Variants in PHKB observed in about 807,000 individuals in gnomAD.
PHKB encodes phosphorylase b kinase regulatory subunit beta.
PHKB carries 122 observed loss-of-function variants against 152.1 expected under a neutral mutation model. The ratio of observed to expected loss-of-function variants is 0.80; its 90% CI spans 0.69 to 0.93. The LOEUF (loss-of-function observed/expected upper bound fraction) is 0.93, where lower values mean the gene tolerates loss of function less well. Among genes scored for constraint, PHKB ranks in the 40% least tolerant of loss-of-function variants. The pLI is 0.00. For synonymous variants in PHKB, 436 were observed against 464.9 expected, an observed-to-expected ratio of 0.94 and a Z score of 0.80; for missense variants, 1,304 against 1,328.4, an observed-to-expected ratio of 0.98 and a Z score of 0.29.
intron 6 of PHKB, among the ~76,000 whole-genome samples, chr16:47,530,605 CT>C (rs1179347557): frequency 1.3e-5 from 2 of 152,108 alleles, no homozygotes; most frequent in East Asian, 3.8e-4. Flanking sequence ...CTTAGATAAA[CT>C]ACTAAAAGTC....
chr16:47,477,787 G>GA (rs989980558), intron 1 of PHKB, among the ~76,000 whole-genome samples: 1 of 152,078 alleles, frequency 6.6e-6, no homozygotes, highest in Non-Finnish European at 1.5e-5. Flanking sequence ...TCCCTGAAGA[G>GA]AAAATGGAAG....
intron 6 of PHKB, among the ~76,000 whole-genome samples, 158 bp downstream of exon 6, chr16:47,515,759 T>A (rs1970585439): frequency 6.6e-6 from 1 of 152,176 alleles, no homozygotes; most frequent in Admixed American, 6.5e-5. Flanking sequence ...GAAAAAGTCT[T>A]TATATCTTCA....
intron 5 of PHKB, among the ~76,000 whole-genome samples, chr16:47,512,857 T>A (rs1970533489): frequency 6.6e-6 from 1 of 152,218 alleles, no homozygotes; most frequent in Admixed American, 6.5e-5. Context: ...ATCTCCTTTT[T>A]ATAGTCCCTC....
Position 47,515,530 on chromosome 16 carries a change from G to A in PHKB, c.523G>A (p.Val175Met), listed in dbSNP as rs544216921. 5 of 1,411,806 alleles carry A rather than the reference G, an allele frequency of 3.5e-6. No homozygotes were observed. The highest frequency in any genetic ancestry group is 3.4e-5 in the South Asian group (3 of 87,030). 87.5% of individuals were successfully genotyped at this position (1,411,806 alleles called of 1,614,324 possible). A position where few individuals can be genotyped will look rare whatever the true frequency, so the allele number is the denominator to read the frequency against. ...EEYGHLQINAVSLYLLYLVEM... is the reference protein window; with the variant it reads ...EEYGHLQINAMSLYLLYLVEM... ...TTTCTGTTTGTTGCAGATAAATGCA[G>A]TGTCACTTTATCTCCTTTACCTTGT... Residue 175 changes from valine (V) to methionine (M), a missense_variant, in exon 6 of 31, where the codon GTG (valine) becomes ATG (methionine). Val to Met is a conservative substitution (Grantham distance 21). Transcript: ENST00000323584.
At chr16:47,638,846 C>CGT (rs142809009) in intron 14 of PHKB, among the ~76,000 whole-genome samples, 9 of 151,770 alleles carry the variant, frequency 5.9e-5, no homozygotes, top group African/African-American at 1.2e-4. Flanking sequence ...TGTGTATATA[C>CGT]GTGTGTGTGT....
At chr16:47,650,245 A>C (rs2151731218) in intron 18 of PHKB, among the ~76,000 whole-genome samples, 1 of 152,274 alleles carries the variant, frequency 6.6e-6, no homozygotes, top group South Asian at 2.1e-4. Context: ...TAAATAAACA[A>C]ATAAATAGAT....
chr16:47,629,117 G>A (rs1031661398), intron 14 of PHKB, among the ~76,000 whole-genome samples: 13 of 152,188 alleles, frequency 8.5e-5, no homozygotes, highest in Admixed American at 6.5e-4. Context: ...GCATGGGCAA[G>A]GACTGCATGT....
intron 1 of PHKB, among the ~76,000 whole-genome samples, chr16:47,478,773 T>A (rs1394155206): frequency 6.6e-6 from 1 of 152,168 alleles, no homozygotes; most frequent in African/African-American, 2.4e-5. Context: ...TTAACCTTTT[T>A]GAGCTCTTTG....
chr16:47,663,672 T>A lies in PHKB; in HGVS notation c.2279-5T>A. 6.2e-7 allele frequency: 1 copy of A among 1,612,024 alleles called. No individual in the cohort carries two copies. Reference sequence around the variant, plus strand: ...TCAACAAAGACTCTATTATCCAATGTCTAGGTACCGTTTCTGATCACATTG... The same window carrying A: ...TCAACAAAGACTCTATTATCCAATGACTAGGTACCGTTTCTGATCACATTG... On this transcript the variant is annotated splice_region_variant and splice_polypyrimidine_tract_variant and intron_variant, in intron 23 of 30. Transcript: ENST00000323584.
intron 1 of PHKB, among the ~76,000 whole-genome samples, chr16:47,473,629 A>G (rs991036694): frequency 1.3e-5 from 2 of 152,080 alleles, no homozygotes; most frequent in African/African-American, 2.4e-5. Context: ...CTTTCAGTTC[A>G]TATTTCACAA....
At chr16:47,542,339 G>T (rs1971075115) in intron 6 of PHKB, among the ~76,000 whole-genome samples, 1 of 152,064 alleles carries the variant, frequency 6.6e-6, no homozygotes, top group Non-Finnish European at 1.5e-5. Flanking sequence ...TGAGGCCTCT[G>T]TTCTGTTCCA....
At chr16:47,489,339 T>C (rs1032203193) in intron 1 of PHKB, among the ~76,000 whole-genome samples, 1 of 152,352 alleles carries the variant, frequency 6.6e-6, no homozygotes, top group South Asian at 2.1e-4. Context: ...GTGATATGTT[T>C]TGAAACATAA....
intron 13 of PHKB, among the ~76,000 whole-genome samples, chr16:47,603,939 A>G (rs1175200733): frequency 1.3e-5 from 2 of 152,180 alleles, no homozygotes; most frequent in African/African-American, 4.8e-5. Context: ...TAAGAGTTTA[A>G]CAACTCACCC....
At chr16:47,573,356 T>A (rs1181726681) in intron 7 of PHKB, among the ~76,000 whole-genome samples, 7 of 152,180 alleles carry the variant, frequency 4.6e-5, no homozygotes, top group Non-Finnish European at 1.0e-4. Flanking sequence ...GTCCTCACTC[T>A]GGCTCACCAG....
chr16:47,552,871 T>C (rs1455613643), intron 7 of PHKB, among the ~76,000 whole-genome samples: 1 of 152,018 alleles, frequency 6.6e-6, no homozygotes. Context: ...CCCCACTCTC[T>C]CCTGGCATGT....
chr16:47,556,377 C>T (rs538157716), intron 7 of PHKB, among the ~76,000 whole-genome samples: 98 of 152,224 alleles, frequency 6.4e-4, no homozygotes, highest in Middle Eastern at 3.4e-3. Flanking sequence ...CCAGTTTTTG[C>T]CCATTCAGTA....
intron 1 of PHKB, among the ~76,000 whole-genome samples, chr16:47,469,262 A>G (rs16945372): frequency 0.069 from 10,511 of 152,238 alleles, 606 homozygotes; most frequent in African/African-American, 0.15. Context: ...TGGTTATTAT[A>G]TAGATGTTAG....
chr16:47,598,320 T>C (rs1345295990), intron 13 of PHKB, among the ~76,000 whole-genome samples: 2 of 152,192 alleles, frequency 1.3e-5, no homozygotes, highest in Non-Finnish European at 1.5e-5. Context: ...AATTAAATGA[T>C]GTATTGAACA....
At chr16:47,690,787 T>C (rs1433781018) in intron 27 of PHKB, among the ~76,000 whole-genome samples, 2 of 152,138 alleles carry the variant, frequency 1.3e-5, no homozygotes, top group South Asian at 2.1e-4. Context: ...CCACTCAAGA[T>C]GCTTAAATTG....
Sources: allele counts gnomAD v4.1 joint callset (sites outside exome capture counted in the v4.1 genomes callset), GRCh38; gene constraint gnomAD v4.1.1; transcripts MANE v1.5; gene names NCBI Gene and HGNC (gene_info 2026-07-23, HGNC 2026-07-21).